SLCO5A1: variants seen among roughly 807,000 people sequenced by gnomAD.
SLCO5A1 encodes the protein solute carrier organic anion transporter family member 5A1, also known as organic anion transporter polypeptide-related protein 4.
SLCO5A1 carries 39 observed loss-of-function variants against 65.1 expected under a neutral mutation model. The observed-to-expected ratio is 0.60, with a 90% confidence interval of 0.46 to 0.78. SLCO5A1 has a LOEUF of 0.78. Among genes scored for constraint, SLCO5A1 ranks in the 30% least tolerant of loss-of-function variants. The pLI is 0.00. For missense variants in SLCO5A1, 1,029 were observed against 1,069.4 expected (o/e 0.96, Z 0.53); for synonymous variants, 438 against 415.7 (o/e 1.05, Z -0.65).
chr8:69,692,067 T>C (rs1563664899), intron 6 of SLCO5A1, among the ~76,000 whole-genome samples: 3 of 152,090 alleles, frequency 2.0e-5, no homozygotes, highest in Non-Finnish European at 4.4e-5. Context: ...GCTAACACAG[T>C]GAAACCCTGT....
intron 4 of SLCO5A1, among the ~76,000 whole-genome samples, chr8:69,750,260 T>C (rs1398940075): frequency 1.3e-5 from 2 of 152,102 alleles, no homozygotes; most frequent in Non-Finnish European, 2.9e-5. Context: ...CAAGGGTCGA[T>C]GCAGCAGGGC....
chr8:69,673,214 A>T lies in SLCO5A1; in HGVS notation c.2202T>A (p.Phe734Leu). The change falls in exon 10 of 10, where the codon TTT becomes TTA. Residue 734 changes from phenylalanine (F) to leucine (L), a missense_variant. By Grantham distance (22) the Phe-to-Leu change is conservative. Transcript: ENST00000260126. ...CAGCCAAACCAAAATACACAAAACG[A>T]AACGACGTCACGTTGTACTCCCAGC... ...GSCWEYNVTS[F>L]RFVYFGLAAG... is the part of the protein sequence containing the mutation. 1 of 1,614,218 alleles carries T rather than the reference A, an allele frequency of 6.2e-7. No homozygotes were observed. The highest frequency in any genetic ancestry group is 1.7e-5 in the Admixed American group (1 of 60,020).
chr8:69,764,871 G>A (rs563784117), intron 2 of SLCO5A1, among the ~76,000 whole-genome samples: 2 of 152,082 alleles, frequency 1.3e-5, no homozygotes, highest in Non-Finnish European at 1.5e-5. Context: ...GGGTATTTCC[G>A]CCATAGTGTT....
chr8:69,679,448 AG>A lies in SLCO5A1; in HGVS notation c.1953del (p.Leu652Ter), dbSNP rs746680473. 1 of 1,614,252 alleles carries A rather than the reference AG, an allele frequency of 6.2e-7. No individual in the cohort carries two copies. Among genetic ancestry groups the A allele is most frequent in the Non-Finnish European group, 8.5e-7 (1 of 1,180,046 alleles). On this transcript the variant is annotated frameshift_variant, in exon 8 of 10. Transcript: ENST00000260126. LOFTEE classifies it high-confidence loss of function. The stretch of plus-strand genomic sequence containing the variant: ...AAGGTGACTATGAAAAGAAAAACTA[AG>A]AATGGGATAAGAGTATTGCAGGTCC... ...CKRTCNTLIP[F>X]LVFLFIVTFI...
intron 2 of SLCO5A1, among the ~76,000 whole-genome samples, chr8:69,805,614 C>A (rs917715347): frequency 2.0e-5 from 3 of 152,124 alleles, no homozygotes; most frequent in Non-Finnish European, 4.4e-5. Context: ...ATTTTTCCTG[C>A]GGGTATAAAA....
intron 5 of SLCO5A1, among the ~76,000 whole-genome samples, chr8:69,722,869 T>C (rs961387955): frequency 5.3e-5 from 8 of 151,988 alleles, no homozygotes; most frequent in Admixed American, 4.6e-4. Flanking sequence ...TGTAGGAACA[T>C]ACATACGCAT....
intron 1 of SLCO5A1, 155 bp from the exon 2 acceptor site, chr8:69,833,324 C>G (rs556998116): frequency 6.6e-6 from 1 of 152,328 alleles, no homozygotes; most frequent in African/African-American, 2.4e-5. Flanking sequence ...AGGCAGCAGC[C>G]GGCTGCAGTC....
intron 4 of SLCO5A1, among the ~76,000 whole-genome samples, chr8:69,740,607 C>A (rs1816752871): frequency 6.6e-6 from 1 of 152,106 alleles, no homozygotes; most frequent in Non-Finnish European, 1.5e-5. Context: ...AATGCATCCA[C>A]CTAGCAACCA....
Position 69,687,503 on chromosome 8 carries a change from T to C in SLCO5A1, c.1623-5160A>G, listed in dbSNP as rs1008672471. 2.5e-4 allele frequency among the ~76,000 whole-genome samples: 38 copies of C among 152,226 alleles called. 2 individuals carry two copies. The highest frequency in any genetic ancestry group is 8.9e-4 in the African/African-American group (37 of 41,450). On this transcript the variant is annotated intron_variant, in intron 6 of 9. Transcript: ENST00000260126. ...AATAACCCACAATATGTACAAACTA[T>C]CTCTTTAAGTCCAAAATCATTTCAA...
chr8:69,814,813 C>T (rs1339010894), intron 2 of SLCO5A1, among the ~76,000 whole-genome samples: 2 of 151,002 alleles, frequency 1.3e-5, no homozygotes, highest in Admixed American at 1.3e-4. Flanking sequence ...AAAACTATTC[C>T]ACCTTAAAAA....
chr8:69,795,974 T>A (rs1203245616), intron 2 of SLCO5A1, among the ~76,000 whole-genome samples: 2 of 152,194 alleles, frequency 1.3e-5, no homozygotes, highest in Non-Finnish European at 2.9e-5. Flanking sequence ...AAACTGTACC[T>A]GGGACTCTTT....
rs1405682410 is a variant in SLCO5A1 at position 69,702,929 on chromosome 8, T to G, written c.1622+2102A>C. ...TTTGAGACCAGCCTGGGCAACAAAG[T>G]AAGACCTCGTCTCTACAAAAAATAC... On this transcript the variant is annotated intron_variant, in intron 6 of 9. Transcript: ENST00000260126. Among the ~76,000 whole-genome samples, 3 of 151,712 alleles carry G rather than the reference T, an allele frequency of 2.0e-5. No individual in the cohort carries two copies. The East Asian group carries it at 5.8e-4, about 29-fold the overall frequency.
intron 6 of SLCO5A1, among the ~76,000 whole-genome samples, chr8:69,683,566 T>A (rs1352756713): frequency 9.3e-6 from 1 of 107,448 alleles, no homozygotes; most frequent in East Asian, 2.4e-4. Context: ...CCAAGACTTA[T>A]CTTTTTTTTT....
intron 2 of SLCO5A1, among the ~76,000 whole-genome samples, chr8:69,819,997 C>T (rs956409806): frequency 6.6e-6 from 1 of 152,188 alleles, no homozygotes; most frequent in African/African-American, 2.4e-5. Flanking sequence ...TCTGTATTTT[C>T]TGCGTACTAG....
At chr8:69,683,344 A>G (rs1813861712) in intron 6 of SLCO5A1, among the ~76,000 whole-genome samples, 1 of 152,186 alleles carries the variant, frequency 6.6e-6, no homozygotes, top group African/African-American at 2.4e-5. Context: ...CCATTTTTCC[A>G]GTATCTACCC....
Position 69,676,642 on chromosome 8 carries a change from G to C in SLCO5A1, c.2056C>G (p.Leu686Val). The C allele has an allele frequency of 6.2e-7, 1 of 1,612,522 alleles. No individual in the cohort carries two copies. Among genetic ancestry groups the C allele is most frequent in the Non-Finnish European group, 8.5e-7 (1 of 1,179,322 alleles). Residue 686 changes from leucine (L) to valine (V), a missense_variant, in exon 9 of 10, where the codon CTG (leucine) becomes GTG (valine). Leu to Val is a conservative substitution (Grantham distance 32). Transcript: ENST00000260126. ...SVEDEERPFA[L>V]GMQFVLLRTL... ...CGCAACAAAACAAACTGCATTCCCAGTGCAAAAGGTCTCTCCTCATCTTCT... is the reference window on the plus strand; with the variant it reads ...CGCAACAAAACAAACTGCATTCCCACTGCAAAAGGTCTCTCCTCATCTTCT...
chr8:69,690,060 C>T lies in SLCO5A1; in HGVS notation c.1623-7717G>A, dbSNP rs184897222. Among the ~76,000 whole-genome samples the T allele has an allele frequency of 4.5e-3, 688 of 151,820 alleles. 4 individuals are homozygous for T. The highest frequency in any genetic ancestry group is 0.015 in the African/African-American group (641 of 41,496). ...CCGCCCCTTTGCGGGTACGGGGGGG[C>T]GCCAGGGGCCTCCCACTTATTCTAC... On this transcript the variant is annotated intron_variant, in intron 6 of 9. Transcript: ENST00000260126.
chr8:69,779,093 A>G (rs1461041978), intron 2 of SLCO5A1, among the ~76,000 whole-genome samples: 1 of 152,192 alleles, frequency 6.6e-6, no homozygotes, highest in Non-Finnish European at 1.5e-5. Context: ...CAGCCCACAA[A>G]GCTTAAGATA....
chr8:69,693,588 A>C (rs1814366741), intron 6 of SLCO5A1, among the ~76,000 whole-genome samples: 1 of 152,192 alleles, frequency 6.6e-6, no homozygotes, highest in Non-Finnish European at 1.5e-5. Flanking sequence ...AAAGAAACCT[A>C]ATTTCAAACC....
Sources: allele counts gnomAD v4.1 joint callset (sites outside exome capture counted in the v4.1 genomes callset), GRCh38; gene constraint gnomAD v4.1.1; transcripts MANE v1.5; gene names NCBI Gene and HGNC (gene_info 2026-07-23, HGNC 2026-07-21).